Variants in TJP1 observed in about 807,000 individuals in gnomAD.
TJP1 encodes tight junction protein ZO-1.
A neutral mutation model predicts 194.2 loss-of-function variants in TJP1; 43 were observed. That is an observed-to-expected ratio of 0.22 (90% CI 0.17 to 0.29). The LOEUF is 0.29. Among genes scored for constraint, TJP1 ranks in the 10% least tolerant of loss-of-function variants. The pLI, the probability that TJP1 is intolerant of heterozygous loss-of-function variation, is 1.00. For missense variants in TJP1, 1,971 were observed against 2,185.7 expected (o/e 0.90, Z 1.96); for synonymous variants, 801 against 779.0 (o/e 1.03, Z -0.47).
intron 2 of TJP1, among the ~76,000 whole-genome samples, chr15:29,857,889 C>G (rs1350838829): frequency 3.3e-5 from 5 of 152,068 alleles, no homozygotes; most frequent in African/African-American, 1.2e-4. Flanking sequence ...AGCCTCCGGA[C>G]TAGCTGGGAT....
chr15:29,903,511 C>G (rs746519792), intron 2 of TJP1, among the ~76,000 whole-genome samples: 7 of 151,720 alleles, frequency 4.6e-5, no homozygotes, highest in South Asian at 4.2e-4. Flanking sequence ...GTGGAGTGAT[C>G]TCGGCTCACT....
chr15:29,910,101 T>C (rs1181779217), intron 2 of TJP1, among the ~76,000 whole-genome samples: 1 of 152,178 alleles, frequency 6.6e-6, no homozygotes, highest in Admixed American at 6.6e-5. Context: ...AAATACCTTA[T>C]CTGGAAAAAT....
At chr15:29,877,654 G>GTC (rs1030452280) in intron 2 of TJP1, among the ~76,000 whole-genome samples, 2 of 105,244 alleles carry the variant, frequency 1.9e-5, no homozygotes, top group East Asian at 2.6e-4. Context: ...TTCTTTCTTT[G>GTC]TCTCTCTCTC....
At chr15:29,796,047 C>T (rs1725529683) in intron 2 of TJP1, among the ~76,000 whole-genome samples, 1 of 151,904 alleles carries the variant, frequency 6.6e-6, no homozygotes, top group African/African-American at 2.4e-5. Flanking sequence ...AGGGAACTTC[C>T]TTAACCTGAT....
At chr15:29,803,702 G>T (rs1248384659) in intron 1 of TJP1, among the ~76,000 whole-genome samples, 1 of 152,052 alleles carries the variant, frequency 6.6e-6, no homozygotes, top group African/African-American at 2.4e-5. Flanking sequence ...TATACATTAA[G>T]GTCTTAATGT....
chr15:29,771,783 C>T (rs992273386), intron 4 of TJP1, among the ~76,000 whole-genome samples: 6 of 147,750 alleles, frequency 4.1e-5, no homozygotes, highest in South Asian at 4.3e-4. Context: ...CCAGCTTGGG[C>T]GACAGAGCGA....
chr15:29,755,866 A>C (rs2045611279), intron 8 of TJP1, among the ~76,000 whole-genome samples: 2 of 152,148 alleles, frequency 1.3e-5, no homozygotes, highest in Admixed American at 1.3e-4. Flanking sequence ...TCATCCTGTT[A>C]GTCTGAACTT....
intron 1 of TJP1, among the ~76,000 whole-genome samples, chr15:29,959,588 A>T (rs928077578): frequency 6.6e-6 from 1 of 152,094 alleles, no homozygotes; most frequent in Admixed American, 6.6e-5. Flanking sequence ...CTTCTCTTGC[A>T]AGTCAGTAGC....
intron 1 of TJP1, among the ~76,000 whole-genome samples, chr15:29,967,220 G>C (rs138024730): frequency 2.0e-5 from 3 of 151,992 alleles, no homozygotes; most frequent in Non-Finnish European, 4.4e-5. Context: ...TTATTTAGTA[G>C]AGATGGGGTT....
At chr15:29,815,845 G>C (rs190609762) in intron 1 of TJP1, among the ~76,000 whole-genome samples, 31 of 152,288 alleles carry the variant, frequency 2.0e-4, no homozygotes, top group African/African-American at 7.0e-4. Flanking sequence ...AGATTAAAGA[G>C]CAAGTAAAAG....
At chr15:29,821,938 G>A (rs1393308330) in intron 1 of TJP1, 64 bp downstream of exon 1, 17 of 1,200,730 alleles carry the variant, frequency 1.4e-5, no homozygotes, top group South Asian at 8.1e-5. Flanking sequence ...ACGCGGGCCA[G>A]ATGCCGGTGG....
At chr15:29,764,269 A>C (rs945096362) in intron 5 of TJP1, among the ~76,000 whole-genome samples, 1 of 152,302 alleles carries the variant, frequency 6.6e-6, no homozygotes. Flanking sequence ...TTACCTAAGA[A>C]AGACCTAAAC....
Position 29,716,704 on chromosome 15 carries a change from T to G in TJP1, c.4109A>C (p.Lys1370Thr). ...GCTGGCGGCAATGTGTGCAGGAGGC[T>G]TATTCTCAAAACTTCTTCGGTCAAA... ...SYFDRRSFEN[K>T]PPAHIAASHL... Residue 1370 changes from lysine (K) to threonine (T), a missense_variant, in exon 23 of 28, where the codon AAG (lysine) becomes ACG (threonine). Transcript: ENST00000614355. The G allele has an allele frequency of 3.7e-6, 6 of 1,614,152 alleles. No individual in the cohort carries two copies. The highest frequency in any genetic ancestry group is 5.1e-6 in the Non-Finnish European group (6 of 1,180,030).
chr15:29,741,274 C>T (rs865774880), intron 10 of TJP1, 57 bp downstream of exon 10: 1 of 1,301,252 alleles, frequency 7.7e-7, no homozygotes, highest in Middle Eastern at 1.8e-4. Context: ...TAAATTCCTA[C>T]TCTGAATAAT....
chr15:29,818,719 T>C (rs1481948067), intron 1 of TJP1, among the ~76,000 whole-genome samples: 2 of 149,300 alleles, frequency 1.3e-5, no homozygotes, highest in South Asian at 4.3e-4. Flanking sequence ...GGTTTCACCA[T>C]GTTGGTCAGG....
Position 29,766,320 on chromosome 15 carries a change from T to C in TJP1, c.535A>G (p.Ser179Gly). The change falls in exon 5 of 28, where the codon AGC becomes GGC. Residue 179 changes from serine to glycine, a missense_variant. Ser to Gly is a moderately conservative substitution (Grantham distance 56, BLOSUM62 0). Transcript: ENST00000614355. ...ACTTTAGTAGGTTTAGCAGGCTGGC[T>C]GGAAGCCACTGACCGCCTGTCTGAC... ...PRSDRRSVAS[S>G]QPAKPTKVTL... The C allele has an allele frequency of 6.2e-7, 1 of 1,614,254 alleles. No homozygotes were observed. The highest frequency in any genetic ancestry group is 8.5e-7 in the Non-Finnish European group (1 of 1,180,038).
At chr15:29,805,950 T>G (rs1374528183) in intron 1 of TJP1, among the ~76,000 whole-genome samples, 1 of 152,070 alleles carries the variant, frequency 6.6e-6, no homozygotes, top group African/African-American at 2.4e-5. Context: ...TATGACTAAG[T>G]TGTACAATTT....
intron 1 of TJP1, among the ~76,000 whole-genome samples, chr15:29,966,390 G>C (rs972556314): frequency 1.8e-4 from 27 of 152,082 alleles, no homozygotes; most frequent in African/African-American, 6.3e-4. Flanking sequence ...TGTAATCCCA[G>C]CTACTCAGGA....
At chr15:29,773,876 A>T (rs965361997) in intron 2 of TJP1, among the ~76,000 whole-genome samples, 1 of 152,268 alleles carries the variant, frequency 6.6e-6, no homozygotes, top group Non-Finnish European at 1.5e-5. Flanking sequence ...TATACAATAG[A>T]AGGTGTACAT....
Sources: gnomAD v4.1 joint callset for allele counts (sites outside exome capture counted in the v4.1 genomes callset) on GRCh38, gnomAD v4.1.1 for gene constraint, MANE v1.5 for transcripts, NCBI Gene and HGNC (gene_info 2026-07-23, HGNC 2026-07-21) for gene names.